Variants in CDH13 observed in about 807,000 individuals in gnomAD.
The protein encoded by CDH13 is cadherin 13, also known as cadherin-13.
In CDH13, 24 loss-of-function variants were observed where a neutral mutation model predicts 63.8. The ratio of observed to expected loss-of-function variants is 0.38; its 90% CI spans 0.27 to 0.53. CDH13 has a LOEUF of 0.53. CDH13 is among the 20% of genes least tolerant of loss of function. CDH13 has a pLI of 0.85. For missense variants in CDH13, 1,049 were observed against 903.1 expected (o/e 1.16, Z -2.07); for synonymous variants, 503 against 355.3 (o/e 1.42, Z -4.67).
chr16:82,897,070 G>A lies in CDH13; in HGVS notation c.157+38597G>A, dbSNP rs147823131. ...GCTGGGATTACAGGCATGAGCCACC[G>A]TGCCCTGCCACACTGCTGTGCAATT... On this transcript the variant is annotated intron_variant, in intron 2 of 13. Coordinates refer to ENST00000567109, the MANE Select transcript of CDH13 (RefSeq NM_001257.5). Among the ~76,000 whole-genome samples, 588 of 152,138 alleles carry A rather than the reference G, an allele frequency of 3.9e-3. 3 individuals are homozygous for A. Among genetic ancestry groups the A allele is most frequent in the African/African-American group, 0.013 (553 of 41,506 alleles).
intron 4 of CDH13, among the ~76,000 whole-genome samples, chr16:83,177,435 T>C (rs1402504931): frequency 6.6e-6 from 1 of 152,198 alleles, no homozygotes; most frequent in Non-Finnish European, 1.5e-5. Context: ...TTCCTCAAAG[T>C]TTAACTCAGC....
intron 6 of CDH13, among the ~76,000 whole-genome samples, chr16:83,447,929 T>C (rs1392711816): frequency 6.6e-6 from 1 of 151,976 alleles, no homozygotes; most frequent in Non-Finnish European, 1.5e-5. Flanking sequence ...TTGCCCCACC[T>C]CTCTGGTCCC....
intron 1 of CDH13, among the ~76,000 whole-genome samples, chr16:82,813,781 C>T (rs1195112988): frequency 6.6e-6 from 1 of 152,172 alleles, no homozygotes; most frequent in Non-Finnish European, 1.5e-5. Flanking sequence ...TCTACAGGAC[C>T]TTTACTAACT....
chr16:82,893,618 G>C (rs1451181259), intron 2 of CDH13, among the ~76,000 whole-genome samples: 1 of 152,226 alleles, frequency 6.6e-6, no homozygotes, highest in Non-Finnish European at 1.5e-5. Flanking sequence ...GGTTGGATAT[G>C]CTTGCCAGGT....
At chr16:83,613,988 C>G (rs987469974) in intron 8 of CDH13, among the ~76,000 whole-genome samples, 1 of 152,054 alleles carries the variant, frequency 6.6e-6, no homozygotes, top group Non-Finnish European at 1.5e-5. Context: ...TCAATGTCTG[C>G]TAACTCCAGC....
intron 1 of CDH13, among the ~76,000 whole-genome samples, chr16:82,778,944 A>G (rs1006377192): frequency 2.0e-5 from 3 of 152,144 alleles, no homozygotes; most frequent in African/African-American, 4.8e-5. Flanking sequence ...AAAGGAAATG[A>G]TCAGGAATTA....
At chr16:82,678,195 G>A (rs1914148657) in intron 1 of CDH13, among the ~76,000 whole-genome samples, 1 of 151,898 alleles carries the variant, frequency 6.6e-6, no homozygotes, top group East Asian at 1.9e-4. Flanking sequence ...TGGATGGGAG[G>A]ATGATTTATA....
intron 2 of CDH13, among the ~76,000 whole-genome samples, chr16:82,951,374 G>A (rs1905273039): frequency 6.6e-6 from 1 of 152,156 alleles, no homozygotes; most frequent in Non-Finnish European, 1.5e-5. Context: ...TCTGTCCTGA[G>A]CTGGAGGTAT....
At chr16:82,866,437 G>A (rs2040147551) in intron 2 of CDH13, among the ~76,000 whole-genome samples, 1 of 121,260 alleles carries the variant, frequency 8.2e-6, no homozygotes, top group African/African-American at 3.2e-5. Context: ...CGCCCAGGCT[G>A]GAGTGCAGTG....
intron 4 of CDH13, among the ~76,000 whole-genome samples, chr16:83,183,440 A>G (rs374452233): frequency 6.6e-6 from 1 of 152,242 alleles, no homozygotes; most frequent in Non-Finnish European, 1.5e-5. Flanking sequence ...AGGAAGATCT[A>G]TAATTAAATC....
intron 2 of CDH13, among the ~76,000 whole-genome samples, chr16:82,957,216 G>A (rs1164874616): frequency 1.3e-5 from 2 of 152,136 alleles, no homozygotes; most frequent in African/African-American, 4.8e-5. Flanking sequence ...ATATCTTCTT[G>A]GCGAGCTGTT....
At chr16:83,087,671 C>CA (rs67228844) in intron 3 of CDH13, among the ~76,000 whole-genome samples, 16,258 of 43,880 alleles carry the variant, frequency 0.37, 5,673 homozygotes, top group Middle Eastern at 0.62. Context: ...CCCTCCGTCT[C>CA]AAAAAAAAAA....
intron 4 of CDH13, among the ~76,000 whole-genome samples, chr16:83,203,569 C>T (rs958572306): frequency 6.6e-6 from 1 of 150,394 alleles, no homozygotes; most frequent in African/African-American, 2.4e-5. Flanking sequence ...TGCCTGTAGT[C>T]CCAGCTACTT....
Position 82,836,693 on chromosome 16 carries a change from G to A in CDH13, c.46-21669G>A, listed in dbSNP as rs193275229. On this transcript the variant is annotated intron_variant, in intron 1 of 13. Transcript: ENST00000567109. The stretch of plus-strand genomic sequence containing the variant: ...CATCACAGCCCACGATGATGAGCCT[G>A]CTGATGCCGACTTCCTGCATTCTGT... Among the ~76,000 whole-genome samples the A allele has an allele frequency of 3.4e-3, 524 of 152,290 alleles. 3 individuals are homozygous for A. Among genetic ancestry groups the A allele is most frequent in the Non-Finnish European group, 5.5e-3 (377 of 68,034 alleles).
intron 8 of CDH13, among the ~76,000 whole-genome samples, chr16:83,623,829 C>G (rs1056133819): frequency 6.6e-6 from 1 of 152,206 alleles, no homozygotes; most frequent in Non-Finnish European, 1.5e-5. Flanking sequence ...TCCTTCAGCT[C>G]TGGGAAATTG....
intron 10 of CDH13, among the ~76,000 whole-genome samples, chr16:83,713,996 G>A (rs1598556636): frequency 6.6e-6 from 1 of 152,120 alleles, no homozygotes; most frequent in Non-Finnish European, 1.5e-5. Flanking sequence ...AAAATTCCTG[G>A]GCTCATGCTC....
intron 13 of CDH13, among the ~76,000 whole-genome samples, chr16:83,788,464 A>ATTTT (rs1916032952): frequency 2.0e-5 from 1 of 49,380 alleles, no homozygotes. Context: ...GTAAACATTG[A>ATTTT]ATTTTTTTTT....
chr16:83,678,478 G>A lies in CDH13; in HGVS notation c.1538+17G>A, dbSNP rs373290433. ...AACCATCAGGTGGGTGAGTGGCTCCGGAACCACAGACGGGAGGTGGGCAGG... is the reference window on the plus strand; with the variant it reads ...AACCATCAGGTGGGTGAGTGGCTCCAGAACCACAGACGGGAGGTGGGCAGG... On this transcript the variant is annotated intron_variant, in intron 10 of 13. Transcript: ENST00000567109. The A allele has an allele frequency of 2.5e-4, 404 of 1,613,418 alleles. 1 individual carries two copies. Among genetic ancestry groups the A allele is most frequent in the Non-Finnish European group, 3.2e-4 (378 of 1,179,560 alleles).
intron 5 of CDH13, among the ~76,000 whole-genome samples, chr16:83,313,259 G>A (rs1393877910): frequency 6.6e-6 from 1 of 152,182 alleles, no homozygotes; most frequent in Non-Finnish European, 1.5e-5. Flanking sequence ...CACAGCCATT[G>A]ATATTTTGAA....
Sources: allele counts gnomAD v4.1 joint callset (sites outside exome capture counted in the v4.1 genomes callset), GRCh38; gene constraint gnomAD v4.1.1; transcripts MANE v1.5; gene names NCBI Gene and HGNC (gene_info 2026-07-23, HGNC 2026-07-21).